The following ORC1 variants were observed in gnomAD, a reference collection of about 807,000 sequenced individuals.
The protein encoded by ORC1 is origin recognition complex subunit 1.
A neutral mutation model predicts 98.9 loss-of-function variants in ORC1; 61 were observed. The observed-to-expected ratio is 0.62, with a 90% CI of 0.50 to 0.76. ORC1 has a LOEUF of 0.76. Ranked by LOEUF, ORC1 falls within the 30% of genes least tolerant of loss-of-function variation. The probability of loss-of-function intolerance (pLI) is 0.00; values close to 1 mark genes in which losing one functional copy is unlikely to be tolerated. For synonymous variants in ORC1, 385 were observed against 406.9 expected (o/e 0.95, Z 0.65); for missense variants, 979 against 1,072.2 (o/e 0.91, Z 1.21).
upstream of ORC1, among the ~76,000 whole-genome samples, chr1:52,406,642 A>G (rs1020547072): frequency 6.6e-6 from 1 of 152,246 alleles, no homozygotes; most frequent in Non-Finnish European, 1.5e-5. Context: ...CACTTGCTGC[A>G]TGGTAAACAC....
At chr1:52,407,588 T>G (rs1205579522), upstream of ORC1, among the ~76,000 whole-genome samples, 1 of 152,244 alleles carries the variant, frequency 6.6e-6, no homozygotes. Flanking sequence ...GTGTACTTGT[T>G]CTTGTATTGT....
chr1:52,394,252 C>T (rs1647297827), intron 5 of ORC1, among the ~76,000 whole-genome samples: 1 of 152,222 alleles, frequency 6.6e-6, no homozygotes, highest in South Asian at 2.1e-4. Context: ...AGTGGGGTTC[C>T]TGGGGACAAT....
At position 52,401,397 on chromosome 1, in the gene ORC1, G is replaced by A. The variant is rs978048793; in HGVS notation, c.188C>T (p.Pro63Leu). Reference protein sequence around the residue: ...VLIEGDDDENPYVAKLLELFE... With the variant: ...VLIEGDDDENLYVAKLLELFE... ...CAACTCAAGCAATTTAGCAACATAC[G>A]GGTTTTCATCATCATCCCCTTCAAT... The change falls in exon 3 of 17, where the codon CCG becomes CTG. Residue 63 changes from proline (P) to leucine (L), a missense_variant. Pro to Leu is a moderately conservative substitution (Grantham distance 98, BLOSUM62 -3). Transcript: ENST00000371568. 5.6e-6 allele frequency: 9 copies of A among 1,613,424 alleles called. No individual in the cohort carries two copies. Among genetic ancestry groups the A allele is most frequent in the East Asian group, 4.5e-5 (2 of 44,840 alleles).
chr1:52,381,887 C>T, intron 13 of ORC1, 126 bp from the exon 14 acceptor site: 1 of 883,666 alleles, frequency 1.1e-6, no homozygotes, highest in Non-Finnish European at 1.9e-6. Context: ...CATTTCATAC[C>T]TAGACTACCA....
chr1:52,377,823 C>T (rs1400499234), intron 14 of ORC1, among the ~76,000 whole-genome samples: 1 of 149,426 alleles, frequency 6.7e-6, no homozygotes, highest in East Asian at 2.0e-4. Context: ...AAATAAAAAT[C>T]AAGACAAAAA....
In ORC1 at chr1:52,374,795, AGAG is replaced by A. The variant is rs779445406; in HGVS notation, c.2391+12_2391+14del. On this transcript the variant is annotated intron_variant, in intron 16 of 16. Coordinates refer to ENST00000371568, the MANE Select transcript of ORC1 (RefSeq NM_004153.4). ...GTCCAAAATCTAGAAGGATTTGAAA[AGAG>A]GAGGAGATCACCTGTTGAAACGTGG... 2.7e-5 allele frequency: 42 copies of A among 1,575,846 alleles called. No individual in the cohort carries two copies. Among genetic ancestry groups the A allele is most frequent in the African/African-American group, 1.1e-4 (8 of 74,322 alleles).
intron 7 of ORC1, 56 bp downstream of exon 7, chr1:52,389,161 T>C (rs1647179375): frequency 7.8e-7 from 1 of 1,277,426 alleles, no homozygotes; most frequent in South Asian, 1.2e-5. Context: ...GGAGATAAGA[T>C]TATAGATATC....
chr1:52,393,795 T>C lies in ORC1; in HGVS notation c.730A>G (p.Asn244Asp), dbSNP rs1647282947. 5.6e-6 allele frequency: 9 copies of C among 1,612,698 alleles called. No individual in the cohort carries two copies. The highest frequency in any genetic ancestry group is 3.3e-5 in the Admixed American group (2 of 59,994). Residue 244 changes from asparagine to aspartate, a missense_variant, in exon 6 of 17, where the codon AAC (asparagine) becomes GAC (aspartate). Coordinates refer to ENST00000371568, the MANE Select transcript of ORC1 (RefSeq NM_004153.4). ...RKRLELGNLG[N>D]PQMSQQTSCA... Reference sequence around the variant, plus strand: ...GAAGTCTGCTGGGACATCTGAGGGTTACCTAAGTCTAAGAGAAATCATCAC... The same window carrying C: ...GAAGTCTGCTGGGACATCTGAGGGTCACCTAAGTCTAAGAGAAATCATCAC...
chr1:52,384,014 G>A, intron 11 of ORC1, 77 bp from the exon 12 acceptor site: 1 of 1,200,450 alleles, frequency 8.3e-7, no homozygotes, highest in Non-Finnish European at 1.2e-6. Context: ...TCTGCAAATG[G>A]AGGGAGGCAT....
At chr1:52,397,938 G>T in intron 3 of ORC1, 75 bp from the exon 4 acceptor site, 1 of 1,329,674 alleles carries the variant, frequency 7.5e-7, no homozygotes, top group South Asian at 1.2e-5. Flanking sequence ...CTATGTGCCA[G>T]ACACTGTGCT....
At chr1:52,407,645 G>A (rs372747097), upstream of ORC1, among the ~76,000 whole-genome samples, 20 of 152,340 alleles carry the variant, frequency 1.3e-4, no homozygotes, top group East Asian at 1.2e-3. Flanking sequence ...ATATGGCCAG[G>A]TGTGGTGGCT....
chr1:52,401,757 A>G lies in ORC1; in HGVS notation c.96-268T>C, dbSNP rs559276951. ...CAAAGAACAACAAATGCTTCCCACAACAAATGTTTCCCAAGGCTGTCAAGC... is the reference window on the plus strand; with the variant it reads ...CAAAGAACAACAAATGCTTCCCACAGCAAATGTTTCCCAAGGCTGTCAAGC... On this transcript the variant is annotated intron_variant, in intron 2 of 16. Transcript: ENST00000371568. Among the ~76,000 whole-genome samples the G allele has an allele frequency of 4.6e-5, 7 of 152,320 alleles. No individual in the cohort carries two copies. In the South Asian group the frequency reaches 1.5e-3, roughly 32 times the overall value.
In ORC1 at chr1:52,384,598, A is replaced by G. The variant is rs376619175; in HGVS notation, c.1707T>C (p.Asn569=). The G allele has an allele frequency of 3.1e-5, 50 of 1,614,046 alleles. No individual in the cohort carries two copies. Among genetic ancestry groups the G allele is most frequent in the Non-Finnish European group, 3.7e-5 (44 of 1,180,026 alleles). The change falls in exon 11 of 17, where the codon AAT becomes AAC. Residue 569 remains asparagine, a synonymous_variant. Transcript: ENST00000371568. ...GGTGGGGCTCCGTCAGCTTCATGCC[A>G]TTGACCTCAATGTATTGAAAGGGAG... is the stretch of plus-strand genomic sequence containing the variant. The part of the protein sequence containing the change: ...DVPPFQYIEV[N]GMKLTEPHQV...
At chr1:52,405,496 G>T (rs746024895), upstream of ORC1, among the ~76,000 whole-genome samples, 13 of 152,116 alleles carry the variant, frequency 8.5e-5, no homozygotes, top group Non-Finnish European at 1.9e-4. Context: ...GCTTAGCAGG[G>T]TACCTATTTT....
In ORC1 at chr1:52,396,339, A is replaced by G; in HGVS notation, c.428T>C (p.Val143Ala). The change falls in exon 5 of 17, where the codon GTG becomes GCG. Residue 143 changes from valine (V) to alanine (A), a missense_variant. Physicochemically the swap from Val to Ala is moderately conservative, Grantham distance 64. Coordinates refer to ENST00000371568, the MANE Select transcript of ORC1 (RefSeq NM_004153.4). The stretch of plus-strand genomic sequence containing the variant: ...CTCATTTTTCAGATTCGTCGGTACC[A>G]CATCCTTTGGGGCTAAAGGTATCAC... ...VRVIPLAPKD[V>A]VPTNLKNEKT... is the part of the protein sequence containing the mutation. The G allele has an allele frequency of 1.2e-6, 2 of 1,614,164 alleles. No individual in the cohort carries two copies. The highest frequency in any genetic ancestry group is 2.2e-5 in the South Asian group (2 of 91,080).
chr1:52,406,040 G>C (rs1647979941), upstream of ORC1, among the ~76,000 whole-genome samples: 1 of 152,136 alleles, frequency 6.6e-6, no homozygotes, highest in Non-Finnish European at 1.5e-5. Flanking sequence ...CCAGGCTGGA[G>C]TGCAGTGGTG....
chr1:52,381,430 A>C (rs926496242), intron 14 of ORC1, among the ~76,000 whole-genome samples: 2 of 152,214 alleles, frequency 1.3e-5, no homozygotes, highest in Non-Finnish European at 2.9e-5. Context: ...GAATGAATTC[A>C]TATTAGTTTG....
intron 1 of ORC1, among the ~76,000 whole-genome samples, chr1:52,403,174 A>G (rs1647813673): frequency 6.6e-6 from 1 of 152,218 alleles, no homozygotes; most frequent in Non-Finnish European, 1.5e-5. Context: ...CACAAAATGG[A>G]GAAAATAGAA....
In ORC1 at chr1:52,401,456, G is replaced by C; in HGVS notation, c.129C>G (p.Thr43=). 1 of 1,613,858 alleles carries C rather than the reference G, an allele frequency of 6.2e-7. No homozygotes were observed. Among genetic ancestry groups the C allele is most frequent in the Non-Finnish European group, 8.5e-7 (1 of 1,179,960 alleles). The change falls in exon 3 of 17, where the codon ACC becomes ACG. Residue 43 remains threonine, a synonymous_variant. Transcript: ENST00000371568. ...ACTGTCCAATCTGGATGTGAATCTC[G>C]GTGGAACAACCTTCTGTTTTCACAC... ...EMCVKTEGCS[T]EIHIQIGQFV... is the part of the protein sequence containing the mutation.
Sources: allele counts gnomAD v4.1 joint callset (sites outside exome capture counted in the v4.1 genomes callset), GRCh38; gene constraint gnomAD v4.1.1; transcripts MANE v1.5; gene names NCBI Gene and HGNC (gene_info 2026-07-23, HGNC 2026-07-21).